Variants in DNAH12 observed in about 807,000 individuals in gnomAD.
DNAH12 encodes dynein axonemal heavy chain 12, also known as axonemal beta dynein heavy chain 12.
DNAH12 carries 285 observed loss-of-function variants against 371.5 expected under a neutral mutation model. The observed-to-expected ratio is 0.77, with a 90% CI of 0.70 to 0.85. DNAH12 has a LOEUF of 0.85. Ranked by LOEUF, DNAH12 falls within the 40% of genes least tolerant of loss-of-function variation. The pLI, the probability that DNAH12 is intolerant of heterozygous loss-of-function variation, is 0.00. For synonymous variants in DNAH12, 1,200 were observed against 1,213.0 expected, an observed-to-expected ratio of 0.99 and a Z score of 0.22; for missense variants, 3,611 against 3,689.4, an observed-to-expected ratio of 0.98 and a Z score of 0.55.
At chr3:57,473,715 AAT>A (rs2066437788) in intron 13 of DNAH12, among the ~76,000 whole-genome samples, 1 of 143,502 alleles carries the variant, frequency 7.0e-6, no homozygotes, top group African/African-American at 2.6e-5. Flanking sequence ...CTATATATAT[AAT>A]ATAGATATAA....
intron 60 of DNAH12, among the ~76,000 whole-genome samples, chr3:57,338,743 C>T (rs2062307216): frequency 6.8e-6 from 1 of 147,228 alleles, no homozygotes; most frequent in South Asian, 2.2e-4. Flanking sequence ...GCCCGGCCAC[C>T]CATTGTCTGG....
chr3:57,379,842 C>CAAAAAAAAAAA (rs1170490495), intron 51 of DNAH12, among the ~76,000 whole-genome samples: 1 of 22,378 alleles, frequency 4.5e-5, no homozygotes, highest in Non-Finnish European at 9.4e-5. Context: ...CTCTGTCTCC[C>CAAAAAAAAAAA]AAAAAAAAAA....
At chr3:57,440,894 G>GT (rs2065282763) in intron 29 of DNAH12, among the ~76,000 whole-genome samples, 1 of 152,172 alleles carries the variant, frequency 6.6e-6, no homozygotes. Context: ...GAAGGCTGAT[G>GT]TAGGAGGATT....
At chr3:57,477,643 C>T (rs1334885235) in intron 13 of DNAH12, among the ~76,000 whole-genome samples, 2 of 152,296 alleles carry the variant, frequency 1.3e-5, no homozygotes, top group South Asian at 2.1e-4. Context: ...GGGTCCCTGA[C>T]CCCCGAGTAG....
At chr3:57,449,424 G>T (rs191125582) in intron 25 of DNAH12, among the ~76,000 whole-genome samples, 1,649 of 152,302 alleles carry the variant, frequency 0.011, 19 homozygotes, top group South Asian at 0.051. Context: ...GGCTCCGGCC[G>T]CACAGGAGCC....
intron 62 of DNAH12, among the ~76,000 whole-genome samples, chr3:57,329,693 A>G (rs1330887398): frequency 1.3e-5 from 2 of 149,912 alleles, no homozygotes; most frequent in Non-Finnish European, 3.0e-5. Flanking sequence ...AATGGCAACA[A>G]AAGCCAAAAT....
intron 73 of DNAH12, 61 bp from the exon 74 acceptor site, chr3:57,294,032 A>G: frequency 7.4e-7 from 1 of 1,352,980 alleles, no homozygotes; most frequent in East Asian, 2.6e-5. Context: ...TTGGTACGAA[A>G]AGAACTATTT....
rs1553660610 is a variant in DNAH12 at position 57,352,171 on chromosome 3, T to C, written c.9588A>G (p.Thr3196=). 5 of 1,543,020 alleles carry C rather than the reference T, an allele frequency of 3.2e-6. No homozygotes were observed. The highest frequency in any genetic ancestry group is 2.5e-5 in the East Asian group (1 of 40,628). Reference sequence around the variant, plus strand: ...GGCATATATTACAATATAAGTTGTATGTGAAGTGGTCATTTAAATATCGTA... The same window carrying C: ...GGCATATATTACAATATAAGTTGTACGTGAAGTGGTCATTTAAATATCGTA... The part of the protein sequence containing the change: ...KRLRYLNDHF[T]YNLYCNICRS... The change falls in exon 60 of 74, where the codon ACA becomes ACG. Residue 3196 remains threonine, a synonymous_variant. Transcript: ENST00000495027.
chr3:57,502,552 T>TCTC, intron 9 of DNAH12, 73 bp from the exon 10 acceptor site: 1 of 1,415,778 alleles, frequency 7.1e-7, no homozygotes, highest in Non-Finnish European at 9.6e-7. Flanking sequence ...ATGTAGATCT[T>TCTC]TTTTTTTTTC....
At chr3:57,548,023 GAAC>G (rs1319681998), upstream of DNAH12, among the ~76,000 whole-genome samples, 1 of 152,074 alleles carries the variant, frequency 6.6e-6, no homozygotes, top group Non-Finnish European at 1.5e-5. Flanking sequence ...AATTTACTAC[GAAC>G]AACAAGATTT....
intron 5 of DNAH12, 108 bp downstream of exon 5, chr3:57,510,682 T>C: frequency 1.0e-6 from 1 of 956,390 alleles, no homozygotes; most frequent in Non-Finnish European, 1.6e-6. Context: ...AGATATAGTT[T>C]AAATACATAG....
At chr3:57,401,472 G>T (rs1422366614) in intron 43 of DNAH12, among the ~76,000 whole-genome samples, 1 of 147,618 alleles carries the variant, frequency 6.8e-6, no homozygotes, top group African/African-American at 2.5e-5. Flanking sequence ...GCTGAGACAG[G>T]AGAATCGCTT....
At chr3:57,421,874 G>A in intron 35 of DNAH12, 168 bp from the exon 36 acceptor site, 1 of 459,060 alleles carries the variant, frequency 2.2e-6, no homozygotes, top group African/African-American at 2.5e-5. Flanking sequence ...TCATTTCTCT[G>A]ACAATTTTTA....
chr3:57,502,900 G>A (rs887797848), intron 9 of DNAH12, among the ~76,000 whole-genome samples: 9 of 151,732 alleles, frequency 5.9e-5, no homozygotes, highest in African/African-American at 1.9e-4. Context: ...GGCTGGTCTC[G>A]AACTCCTGAG....
chr3:57,481,373 G>A (rs2066736734), intron 13 of DNAH12, among the ~76,000 whole-genome samples: 1 of 152,016 alleles, frequency 6.6e-6, no homozygotes, highest in African/African-American at 2.4e-5. Context: ...GGGACATGAA[G>A]GACCTCTTCA....
At chr3:57,538,480 C>T (rs2069144921) in intron 2 of DNAH12, among the ~76,000 whole-genome samples, 1 of 152,176 alleles carries the variant, frequency 6.6e-6, no homozygotes, top group South Asian at 2.1e-4. Flanking sequence ...AATAACATGC[C>T]AAACCCTTTG....
chr3:57,341,613 A>C lies in DNAH12; in HGVS notation c.9675-6673T>G, dbSNP rs564770221. On this transcript the variant is annotated intron_variant, in intron 60 of 73. Coordinates refer to ENST00000495027, the MANE Select transcript of DNAH12 (RefSeq NM_001366028.2). ...ATGATTTTTTGAAAGAAATTGAAGA[A>C]GACATCAAAAAATAGAATGACATCC... is the stretch of plus-strand genomic sequence containing the variant. Among the ~76,000 whole-genome samples, 7 of 152,230 alleles carry C rather than the reference A, an allele frequency of 4.6e-5. No homozygotes were observed. The East Asian group carries it at 7.7e-4, about 17-fold the overall frequency.
intron 60 of DNAH12, among the ~76,000 whole-genome samples, chr3:57,345,559 C>T (rs1373699910): frequency 6.6e-6 from 1 of 152,166 alleles, no homozygotes; most frequent in African/African-American, 2.4e-5. Flanking sequence ...ATGAGCATCA[C>T]CTGACATTTT....
chr3:57,465,956 T>C (rs2066189323), intron 17 of DNAH12, among the ~76,000 whole-genome samples: 1 of 152,156 alleles, frequency 6.6e-6, no homozygotes, highest in Non-Finnish European at 1.5e-5. Context: ...TGAAGGTTGA[T>C]GAGAGTATAT....
Sources: allele counts gnomAD v4.1 joint callset (sites outside exome capture counted in the v4.1 genomes callset), GRCh38; gene constraint gnomAD v4.1.1; transcripts MANE v1.5; gene names NCBI Gene and HGNC (gene_info 2026-07-23, HGNC 2026-07-21).